The following ABCC11 variants were observed in gnomAD, a reference collection of about 807,000 sequenced individuals.
ABCC11 encodes the protein ATP-binding cassette sub-family C member 11.
In ABCC11, 135 loss-of-function variants were observed where a neutral mutation model predicts 149.3. The ratio of observed to expected loss-of-function variants is 0.90; its 90% CI spans 0.79 to 1.04. The LOEUF (loss-of-function observed/expected upper bound fraction) is 1.04, where lower values mean the gene tolerates loss of function less well. Among genes scored for constraint, ABCC11 ranks in the 50% least tolerant of loss-of-function variants. The probability of loss-of-function intolerance (pLI) is 0.00; values close to 1 mark genes in which losing one functional copy is unlikely to be tolerated. For missense variants in ABCC11, 1,680 were observed against 1,722.1 expected (o/e 0.98, Z 0.43); for synonymous variants, 665 against 671.4 (o/e 0.99, Z 0.15).
intron 23 of ABCC11, among the ~76,000 whole-genome samples, chr16:48,182,255 T>G (rs889406166): frequency 7.2e-5 from 11 of 152,184 alleles, no homozygotes; most frequent in African/African-American, 2.2e-4. Context: ...CTCCTACACA[T>G]ACATGCATTC....
At chr16:48,206,817 C>G (rs141135423) in intron 12 of ABCC11, among the ~76,000 whole-genome samples, 1 of 152,194 alleles carries the variant, frequency 6.6e-6, no homozygotes, top group Non-Finnish European at 1.5e-5. Context: ...CCTCTCAGAA[C>G]CTCACGTACT....
intron 12 of ABCC11, 77 bp downstream of exon 12, chr16:48,208,347 GC>G: frequency 6.4e-7 from 1 of 1,559,980 alleles, no homozygotes; most frequent in Non-Finnish European, 8.8e-7. Context: ...GCAGTGGGGG[GC>G]CCCGCCTGGG....
intron 18 of ABCC11, among the ~76,000 whole-genome samples, chr16:48,195,408 C>T (rs1026672753): frequency 8.5e-5 from 13 of 152,108 alleles, no homozygotes; most frequent in Non-Finnish European, 1.0e-4. Flanking sequence ...CCATGGTGGA[C>T]GGGGTGGGGA....
At chr16:48,168,936 T>C (rs62058520) in intron 28 of ABCC11, among the ~76,000 whole-genome samples, 12,521 of 152,270 alleles carry the variant, frequency 0.082, 609 homozygotes, top group Middle Eastern at 0.12. Context: ...AAATGCTTAA[T>C]GCATGTGGGT....
chr16:48,175,639 C>T (rs951362582), intron 25 of ABCC11, among the ~76,000 whole-genome samples: 2 of 152,164 alleles, frequency 1.3e-5, no homozygotes, highest in Non-Finnish European at 2.9e-5. Context: ...ACGTGGGGCC[C>T]CTGGATCAAA....
chr16:48,211,057 T>C lies in ABCC11; in HGVS notation c.1499A>G (p.Asn500Ser). 6.2e-7 allele frequency: 1 copy of C among 1,614,190 alleles called. No homozygotes were observed. Among genetic ancestry groups the C allele is most frequent in the Middle Eastern group, 1.6e-4 (1 of 6,062 alleles). ...IVNGALELERNGHASEGMTRP... is the reference protein window; with the variant it reads ...IVNGALELERSGHASEGMTRP... Reference sequence around the variant, plus strand: ...GGTCATCCCCTCAGAAGCATGCCCGTTCCTCTCCAGCTCCAGTGCCCCATT... The same window carrying C: ...GGTCATCCCCTCAGAAGCATGCCCGCTCCTCTCCAGCTCCAGTGCCCCATT... Residue 500 changes from asparagine to serine, a missense_variant, in exon 11 of 30, where the codon AAC becomes AGC. Coordinates refer to ENST00000356608, the MANE Select transcript of ABCC11 (RefSeq NM_001370497.1).
At chr16:48,225,275 C>G (rs1970002166) in intron 4 of ABCC11, among the ~76,000 whole-genome samples, 1 of 152,108 alleles carries the variant, frequency 6.6e-6, no homozygotes, top group Non-Finnish European at 1.5e-5. Context: ...ATTTAATGCC[C>G]AGTCTGTATT....
intron 13 of ABCC11, among the ~76,000 whole-genome samples, chr16:48,205,095 G>A (rs1472149531): frequency 6.6e-6 from 1 of 152,196 alleles, no homozygotes; most frequent in African/African-American, 2.4e-5. Flanking sequence ...GAGGGGGAGA[G>A]TGTATTGACT....
intron 1 of ABCC11, among the ~76,000 whole-genome samples, chr16:48,234,478 T>C (rs1255357671): frequency 2.0e-5 from 3 of 152,304 alleles, no homozygotes; most frequent in Non-Finnish European, 2.9e-5. Flanking sequence ...AGCCGACCAC[T>C]GTGGCATCCA....
At chr16:48,235,536 C>T (rs779397870) in intron 1 of ABCC11, among the ~76,000 whole-genome samples, 6 of 152,350 alleles carry the variant, frequency 3.9e-5, no homozygotes, top group Non-Finnish European at 7.3e-5. Context: ...CAAACGAGCT[C>T]GAGCTCAGCC....
Position 48,192,662 on chromosome 16 carries a change from T to C in ABCC11, c.2564A>G (p.Asp855Gly), listed in dbSNP as rs1355031068. 1.2e-6 allele frequency: 2 copies of C among 1,614,222 alleles called. No homozygotes were observed. Among genetic ancestry groups the C allele is most frequent in the Non-Finnish European group, 1.7e-6 (2 of 1,180,046 alleles). The change falls in exon 20 of 30, where the codon GAC becomes GGC. Residue 855 changes from aspartate (D) to glycine (G), a missense_variant. Transcript: ENST00000356608. ...CTGGTAGAAGGACAGTTGAGGATTG[T>C]CTGCAATGTTGCCCAGGTCTGCCAT... ...GTMADLGNIA[D>G]NPQLSFYQLV... is the part of the protein sequence containing the mutation.
rs1454023878 is a variant in ABCC11, at chr16:48,170,802, GA to G, written c.3777+86del. 10 of 1,238,274 alleles carry G rather than the reference GA, an allele frequency of 8.1e-6. No individual in the cohort carries two copies. The Admixed American group carries it at 1.0e-4, about 12-fold the overall frequency. 76.7% of individuals were successfully genotyped at this position (1,238,274 alleles called of 1,614,324 possible). A position where few individuals can be genotyped will look rare whatever the true frequency, so the allele number is the denominator to read the frequency against. On this transcript the variant is annotated intron_variant, in intron 27 of 29. Transcript: ENST00000356608. ...CCATGACCCGAAGCAGCAGCAGCTG[GA>G]ACACCACATGAGAGGAGCCCCAAAG...
At chr16:48,232,156 C>A in intron 1 of ABCC11, 1 of 1,158,940 alleles carries the variant, frequency 8.6e-7, no homozygotes. Flanking sequence ...CTTAGTGAAA[C>A]CTTCTCTAAC....
intron 28 of ABCC11, among the ~76,000 whole-genome samples, chr16:48,169,301 G>A (rs1000432849): frequency 6.6e-5 from 10 of 152,206 alleles, no homozygotes; most frequent in African/African-American, 1.9e-4. Flanking sequence ...CCTAGGCTGT[G>A]AATCTCATCT....
rs759617112 is a variant in ABCC11 at position 48,196,283 on chromosome 16, C to A, written c.2353G>T (p.Glu785Ter). 1 of 1,614,156 alleles carries A rather than the reference C, an allele frequency of 6.2e-7. No homozygotes were observed. The highest frequency in any genetic ancestry group is 8.5e-7 in the Non-Finnish European group (1 of 1,180,006). The change falls in exon 18 of 30, where the codon GAA (glutamate) becomes TAA (stop). Residue 785 changes from glutamate (E) to a stop codon, truncating the protein, a stop_gained. Transcript: ENST00000356608. LOFTEE classifies it high-confidence loss of function. ...HQLTQEEEME[E>*]GSLSWRVYHH... ...TAGACCCTCCAACTCAAGGAGCCTT[C>A]TTCCATCTCCTCCTCCTGTGTGAGC... is the stretch of plus-strand genomic sequence containing the variant.
Position 48,234,363 on chromosome 16 carries a change from G to A in ABCC11, c.-18-2424C>T, listed in dbSNP as rs111522403. ...TTTGATGTAATTTATTTAATTGTAAGTTTATATAATTTTTTTTTTATTAAT... is the reference window on the plus strand; with the variant it reads ...TTTGATGTAATTTATTTAATTGTAAATTTATATAATTTTTTTTTTATTAAT... On this transcript the variant is annotated intron_variant, in intron 1 of 29. Transcript: ENST00000356608. 1.5e-3 allele frequency among the ~76,000 whole-genome samples: 228 copies of A among 152,170 alleles called. 1 individual carries two copies. Among genetic ancestry groups the A allele is most frequent in the African/African-American group, 5.2e-3 (217 of 41,526 alleles).
chr16:48,189,495 C>A (rs893454370), intron 20 of ABCC11, among the ~76,000 whole-genome samples: 1 of 152,120 alleles, frequency 6.6e-6, no homozygotes, highest in African/African-American at 2.4e-5. Flanking sequence ...ACTTGTGATT[C>A]TTTAAAACTA....
chr16:48,210,907 G>A, intron 11 of ABCC11, 41 bp downstream of exon 11: 1 of 1,601,680 alleles, frequency 6.2e-7, no homozygotes, highest in Non-Finnish European at 8.5e-7. Context: ...GGTCCTGAGA[G>A]CCTGGCAGCT....
chr16:48,244,592 C>A, intron 1 of ABCC11: 1 of 1,490,450 alleles, frequency 6.7e-7, no homozygotes, highest in South Asian at 1.3e-5. Flanking sequence ...ACCCCGCCAG[C>A]GACGCGCAGG....
Sources: allele counts gnomAD v4.1 joint callset (sites outside exome capture counted in the v4.1 genomes callset), GRCh38; gene constraint gnomAD v4.1.1; transcripts MANE v1.5; gene names NCBI Gene and HGNC (gene_info 2026-07-23, HGNC 2026-07-21).